BAZ2B: variants seen among roughly 807,000 people sequenced by gnomAD.
The protein encoded by BAZ2B is bromodomain adjacent to zinc finger domain protein 2B.
In BAZ2B, 91 loss-of-function variants were observed where a neutral mutation model predicts 246.0. The ratio of observed to expected loss-of-function variants is 0.37; its 90% CI spans 0.31 to 0.44. BAZ2B has a LOEUF of 0.44. BAZ2B is among the 20% of genes least tolerant of loss of function. The probability of loss-of-function intolerance (pLI) is 1.00; values close to 1 mark genes in which losing one functional copy is unlikely to be tolerated. For synonymous variants in BAZ2B, 855 were observed against 860.0 expected (o/e 0.99, Z 0.10); for missense variants, 2,332 against 2,533.7 (o/e 0.92, Z 1.71).
rs188560022 is a variant in BAZ2B at position 159,378,051 on chromosome 2, C to T, written c.4006-3298G>A. Among the ~76,000 whole-genome samples the T allele has an allele frequency of 5.2e-3, 785 of 152,164 alleles. 15 individuals carry two copies. The highest frequency in any genetic ancestry group is 0.018 in the African/African-American group (762 of 41,498). On this transcript the variant is annotated intron_variant, in intron 25 of 36. Transcript: ENST00000392783. ...GTACATAGTTGTCCAAGTTATTGAACTTATGAGTTAACACTTTAAAACAAT... is the reference window on the plus strand; with the variant it reads ...GTACATAGTTGTCCAAGTTATTGAATTTATGAGTTAACACTTTAAAACAAT...
the BAZ2B span, among the ~76,000 whole-genome samples, chr2:159,656,882 T>C: frequency 1.3e-5 from 2 of 152,184 alleles, no homozygotes; most frequent in Non-Finnish European, 2.9e-5. Flanking sequence ...TCTGCATGTT[T>C]GAATAACAGT....
intron 10 of BAZ2B, 117 bp downstream of exon 10, chr2:159,430,746 T>C (rs771745337): frequency 2.5e-5 from 36 of 1,468,860 alleles, no homozygotes; most frequent in South Asian, 7.3e-5. Context: ...TTAGCCAACC[T>C]AAAATCTAAC....
In BAZ2B at chr2:159,412,497, T is replaced by C. The variant is rs2066978961; in HGVS notation, c.2515A>G (p.Arg839Gly). 1 of 1,614,010 alleles carries C rather than the reference T, an allele frequency of 6.2e-7. No homozygotes were observed. The highest frequency in any genetic ancestry group is 8.5e-7 in the Non-Finnish European group (1 of 1,179,990). The change falls in exon 14 of 37, where the codon AGG becomes GGG. Residue 839 changes from arginine (R) to glycine (G), a missense_variant. Arg to Gly is a moderately radical substitution (Grantham distance 125). This residue lies in a region of BAZ2B where 651 missense variants were observed against 650.9 expected (regional missense o/e 1.00). Transcript: ENST00000392783. Reference protein sequence around the residue: ...LKEEDVIPRIRAMEGRRGRPP... With the variant: ...LKEEDVIPRIGAMEGRRGRPP... ...CTTCCTCTACGACCTTCCATTGCCC[T>C]GATACGAGGAATGACATCCTCTTCT...
intron 1 of BAZ2B, among the ~76,000 whole-genome samples, chr2:159,595,353 C>T (rs979722102): frequency 1.0e-4 from 15 of 150,578 alleles, no homozygotes; most frequent in African/African-American, 3.4e-4. Context: ...CTGCCCACCT[C>T]GGCCTCCCAA....
chr2:159,370,204 A>G (rs999331154), intron 27 of BAZ2B, among the ~76,000 whole-genome samples: 3 of 152,126 alleles, frequency 2.0e-5, no homozygotes, highest in African/African-American at 7.2e-5. Context: ...TAGCATTAGG[A>G]GATATACCTA....
chr2:159,640,482 A>G, the BAZ2B span, among the ~76,000 whole-genome samples: 1 of 152,130 alleles, frequency 6.6e-6, no homozygotes, highest in Non-Finnish European at 1.5e-5. Flanking sequence ...TCAAAAAAAA[A>G]CCTGAAATAG....
intron 34 of BAZ2B, among the ~76,000 whole-genome samples, 185 bp from the exon 35 acceptor site, chr2:159,326,103 C>A (rs2063680272): frequency 6.6e-6 from 1 of 151,918 alleles, no homozygotes; most frequent in Admixed American, 6.6e-5. Context: ...AGGATAAAAT[C>A]TAATAAAACA....
chr2:159,332,413 G>C, intron 34 of BAZ2B, 127 bp downstream of exon 34: 2 of 895,636 alleles, frequency 2.2e-6, no homozygotes, highest in Non-Finnish European at 3.3e-6. Context: ...CTTGAGCCCA[G>C]GAGTTTTAGG....
chr2:159,708,893 T>C, the BAZ2B span, among the ~76,000 whole-genome samples: 1 of 152,092 alleles, frequency 6.6e-6, no homozygotes, highest in Non-Finnish European at 1.5e-5. Context: ...GCTTGGGGAA[T>C]TGAAAGTTTT....
intron 2 of BAZ2B, among the ~76,000 whole-genome samples, chr2:159,519,036 C>A (rs762076250): frequency 6.6e-6 from 1 of 152,038 alleles, no homozygotes; most frequent in African/African-American, 2.4e-5. Flanking sequence ...ATAAAAGTTT[C>A]TTTTAACATT....
downstream of BAZ2B, among the ~76,000 whole-genome samples, chr2:159,316,034 ACT>A (rs1413536969): frequency 2.6e-5 from 4 of 152,236 alleles, no homozygotes; most frequent in African/African-American, 9.6e-5. Context: ...TCTAAAAACC[ACT>A]GTGTGTACAT....
chr2:159,400,152 G>A (rs938593990), intron 17 of BAZ2B, among the ~76,000 whole-genome samples: 1 of 152,142 alleles, frequency 6.6e-6, no homozygotes, highest in African/African-American at 2.4e-5. Context: ...AATTAGCCTT[G>A]CAGGGAAGAG....
chr2:159,705,082 G>A, the BAZ2B span, among the ~76,000 whole-genome samples: 3 of 151,252 alleles, frequency 2.0e-5, no homozygotes, highest in Admixed American at 6.6e-5. Flanking sequence ...GTGCAGTGGC[G>A]CAATCTCAGC....
chr2:159,479,237 G>A (rs1286791585), intron 2 of BAZ2B, among the ~76,000 whole-genome samples: 1 of 152,114 alleles, frequency 6.6e-6, no homozygotes, highest in South Asian at 2.1e-4. Context: ...ATACATTTCA[G>A]AGTTTAACTT....
chr2:159,592,178 G>A (rs1241309175), intron 1 of BAZ2B, among the ~76,000 whole-genome samples: 4 of 152,048 alleles, frequency 2.6e-5, no homozygotes, highest in Non-Finnish European at 5.9e-5. Flanking sequence ...CTGTTAATAT[G>A]AATCTTTCAT....
At chr2:159,394,821 T>G (rs2063797231) in intron 20 of BAZ2B, among the ~76,000 whole-genome samples, 1 of 152,088 alleles carries the variant, frequency 6.6e-6, no homozygotes, top group African/African-American at 2.4e-5. Context: ...CACAGAGAAG[T>G]TAAATAACAT....
At chr2:159,509,220 T>C (rs1314062104) in intron 2 of BAZ2B, among the ~76,000 whole-genome samples, 1 of 152,122 alleles carries the variant, frequency 6.6e-6, no homozygotes, top group East Asian at 1.9e-4. Context: ...TCAGATATAA[T>C]TCAGTGATTT....
At chr2:159,607,142 ACCACGCCTGGCC>A (rs1395974841) in intron 1 of BAZ2B, among the ~76,000 whole-genome samples, 1 of 152,168 alleles carries the variant, frequency 6.6e-6, no homozygotes, top group African/African-American at 2.4e-5. Flanking sequence ...GGCATGAGCC[ACCACGCCTGGCC>A]CTCCTTTTTG....
At chr2:159,328,700 AC>A (rs2064153616) in intron 34 of BAZ2B, among the ~76,000 whole-genome samples, 1 of 152,148 alleles carries the variant, frequency 6.6e-6, no homozygotes, top group Admixed American at 6.5e-5. Flanking sequence ...TTTTGTAGGC[AC>A]TGAAGTTTGA....
Sources: gnomAD v4.1 joint callset for allele counts (sites outside exome capture counted in the v4.1 genomes callset) on GRCh38, gnomAD v4.1.1 for gene constraint, gnomAD v4.1.1 regional missense constraint, MANE v1.5 for transcripts, NCBI Gene and HGNC (gene_info 2026-07-23, HGNC 2026-07-21) for gene names.